The following KIF3A variants were observed in gnomAD, a reference collection of about 807,000 sequenced individuals.
KIF3A encodes kinesin family member 3A.
In KIF3A, 27 loss-of-function variants were observed where a neutral mutation model predicts 92.6. That is an observed-to-expected ratio of 0.29 (90% CI 0.21 to 0.40). KIF3A has a LOEUF of 0.40. Ranked by LOEUF, KIF3A falls within the 10% of genes least tolerant of loss-of-function variation. The pLI, the probability that KIF3A is intolerant of heterozygous loss-of-function variation, is 1.00. For missense variants in KIF3A, 581 were observed against 872.6 expected, an observed-to-expected ratio of 0.67 and a Z score of 4.21; for synonymous variants, 250 against 275.4, an observed-to-expected ratio of 0.91 and a Z score of 0.92.
At position 132,696,593 on chromosome 5, in the gene KIF3A, G is replaced by A. The variant is rs1425550608; in HGVS notation, c.*41C>T. The A allele has an allele frequency of 1.6e-6, 2 of 1,267,176 alleles. No individual in the cohort carries two copies. The highest frequency in any genetic ancestry group is 2.3e-6 in the Non-Finnish European group (2 of 869,362). The allele number at this position is 1,267,176 out of a possible 1,614,324, so 78.5% of individuals were successfully genotyped here. A position where few individuals can be genotyped will look rare whatever the true frequency, so the allele number is the denominator to read the frequency against. ...AATTAAAGATTTTGTCCAGGCATGAGAATATCACTAATTTTTATTGTGACT... is the reference window on the plus strand; with the variant it reads ...AATTAAAGATTTTGTCCAGGCATGAAAATATCACTAATTTTTATTGTGACT... On this transcript the variant is annotated 3_prime_UTR_variant, in exon 19 of 19. Coordinates refer to ENST00000403231, the MANE Select transcript of KIF3A (RefSeq NM_001300791.2).
rs372212113 is a variant in KIF3A at position 132,715,948 on chromosome 5, A to G, written c.955-17T>C. 1.8e-5 allele frequency: 28 copies of G among 1,521,504 alleles called. No homozygotes were observed. In the African/African-American group the frequency reaches 2.8e-4, roughly 15 times the overall value. The allele number at this position is 1,521,504 out of a possible 1,614,324, so 94.3% of individuals were successfully genotyped here. On this transcript the variant is annotated splice_polypyrimidine_tract_variant and intron_variant, in intron 7 of 18. Coordinates refer to ENST00000403231, the MANE Select transcript of KIF3A (RefSeq NM_001300791.2). Reference sequence around the variant, plus strand: ...ATTTGCACACTATTGAATTAGAAATATGAAACAAATCATTTTACACTTGAC... The same window carrying G: ...ATTTGCACACTATTGAATTAGAAATGTGAAACAAATCATTTTACACTTGAC...
chr5:132,708,962 ACTG>A lies in KIF3A; in HGVS notation c.1242_1244del (p.Ser417del), dbSNP rs960714690. On this transcript the variant is annotated inframe_deletion, in exon 10 of 19. Coordinates refer to ENST00000403231, the MANE Select transcript of KIF3A (RefSeq NM_001300791.2). The stretch of plus-strand genomic sequence containing the variant: ...TGACAGAACATGTGGAGTCTGAACT[ACTG>A]CTGCTGCTACTGCCTGGAAAACAAA... The A allele has an allele frequency of 1.3e-6, 2 of 1,550,134 alleles. No homozygotes were observed. Among genetic ancestry groups the A allele is most frequent in the African/African-American group, 2.7e-5 (2 of 73,024 alleles).
chr5:132,707,985 G>C (rs1369170750), intron 10 of KIF3A, among the ~76,000 whole-genome samples: 4 of 152,166 alleles, frequency 2.6e-5, no homozygotes, highest in African/African-American at 9.7e-5. Flanking sequence ...TCATACCTTA[G>C]AAAATCTCTT....
chr5:132,698,984 T>G (rs565595848), intron 18 of KIF3A, among the ~76,000 whole-genome samples, 187 bp downstream of exon 18: 22 of 152,308 alleles, frequency 1.4e-4, no homozygotes, highest in African/African-American at 5.3e-4. Flanking sequence ...ATGATCCACC[T>G]GCCTCGGCCT....
At chr5:132,728,772 T>TAA (rs1173554314) in intron 2 of KIF3A, among the ~76,000 whole-genome samples, 6 of 149,006 alleles carry the variant, frequency 4.0e-5, no homozygotes, top group African/African-American at 1.3e-4. Context: ...AATAAATAAA[T>TAA]ATAATAAACT....
At chr5:132,732,750 A>G (rs1331104627) in intron 2 of KIF3A, among the ~76,000 whole-genome samples, 6 of 152,178 alleles carry the variant, frequency 3.9e-5, no homozygotes, top group African/African-American at 1.4e-4. Flanking sequence ...TCTACTAAAA[A>G]CACAAAAAAT....
rs1752818390 is a variant in KIF3A, at chr5:132,695,898, T to G, written c.*736A>C. ...CTTCTTAATTTTCCGCAACAGTAGA[T>G]CCTTTATATTTACGTACAATTCAAT... On this transcript the variant is annotated 3_prime_UTR_variant, in exon 19 of 19. Coordinates refer to ENST00000403231, the MANE Select transcript of KIF3A (RefSeq NM_001300791.2). The G allele has an allele frequency of 6.6e-6, 1 of 152,292 alleles. No homozygotes were observed. The allele number at this position is 152,292 out of a possible 1,614,324, so 9.4% of individuals were successfully genotyped here.
intron 8 of KIF3A, among the ~76,000 whole-genome samples, chr5:132,714,585 C>A (rs1165468600): frequency 1.3e-5 from 2 of 151,982 alleles, no homozygotes; most frequent in African/African-American, 2.4e-5. Context: ...TTCATAGAGA[C>A]CGAAAGTAGA....
rs1752753265 is a variant in KIF3A at position 132,694,016 on chromosome 5, T to C, written c.*2618A>G. The C allele has an allele frequency of 6.6e-6, 1 of 151,234 alleles. No homozygotes were observed. The highest frequency in any genetic ancestry group is 2.1e-4 in the South Asian group (1 of 4,750). The allele number at this position is 151,234 out of a possible 1,614,324, so 9.4% of individuals were successfully genotyped here. On this transcript the variant is annotated 3_prime_UTR_variant, in exon 19 of 19. Transcript: ENST00000403231. ...AAAAGATATTCAGGCCAGGCTTATGTATCAAATTTTGGTATTTCTGAGATG... is the reference window on the plus strand; with the variant it reads ...AAAAGATATTCAGGCCAGGCTTATGCATCAAATTTTGGTATTTCTGAGATG...
rs1336008610 is a variant in KIF3A at position 132,694,240 on chromosome 5, C to T, written c.*2394G>A. 1 of 151,768 alleles carries T rather than the reference C, an allele frequency of 6.6e-6. No individual in the cohort carries two copies. The highest frequency in any genetic ancestry group is 1.5e-5 in the Non-Finnish European group (1 of 68,046). The allele number at this position is 151,768 out of a possible 1,614,324, so 9.4% of individuals were successfully genotyped here. On this transcript the variant is annotated 3_prime_UTR_variant, in exon 19 of 19. Coordinates refer to ENST00000403231, the MANE Select transcript of KIF3A (RefSeq NM_001300791.2). The stretch of plus-strand genomic sequence containing the variant: ...GCAACATGGCAAAACCCCATCTCTA[C>T]AAAAAAATACAAAAATTAGCCGAGC...
Position 132,694,386 on chromosome 5 carries a change from CAA to C in KIF3A, c.*2246_*2247del. On this transcript the variant is annotated 3_prime_UTR_variant, in exon 19 of 19. Coordinates refer to ENST00000403231, the MANE Select transcript of KIF3A (RefSeq NM_001300791.2). ...AATAGAGCCAGACTCCGTCTCCAAA[CAA>C]AAAACAAACACCCCTGCTATAGTAG... is the stretch of plus-strand genomic sequence containing the variant. The C allele has an allele frequency of 6.6e-6, 1 of 152,244 alleles. No homozygotes were observed. Among genetic ancestry groups the C allele is most frequent in the Middle Eastern group, 3.4e-3 (1 of 294 alleles). 9.4% of individuals were successfully genotyped at this position (152,244 alleles called of 1,614,324 possible). A position where few individuals can be genotyped will look rare whatever the true frequency, so the allele number is the denominator to read the frequency against.
chr5:132,714,117 G>A (rs929033733), intron 8 of KIF3A, among the ~76,000 whole-genome samples: 4 of 151,772 alleles, frequency 2.6e-5, no homozygotes, highest in African/African-American at 7.3e-5. Context: ...GGCTGGTCTC[G>A]AACTCCTGAC....
chr5:132,700,110 C>G lies in KIF3A; in HGVS notation c.2007+106G>C, dbSNP rs1581062966. 8 of 676,588 alleles carry G rather than the reference C, an allele frequency of 1.2e-5. No homozygotes were observed. In the East Asian group the frequency reaches 2.2e-4, roughly 18 times the overall value. 41.9% of individuals were successfully genotyped at this position (676,588 alleles called of 1,614,324 possible). On this transcript the variant is annotated intron_variant, in intron 17 of 18. Transcript: ENST00000403231. ...AGTATCAGCCCATTTTTCAGCAGAG[C>G]TGATTAACAGATATCAAGTTGATAA... is the stretch of plus-strand genomic sequence containing the variant.
intron 8 of KIF3A, among the ~76,000 whole-genome samples, chr5:132,713,425 G>A (rs1753498825): frequency 1.3e-5 from 2 of 152,092 alleles, no homozygotes; most frequent in East Asian, 1.9e-4. Context: ...TCCATATCAT[G>A]TTTGCAAGTT....
intron 11 of KIF3A, among the ~76,000 whole-genome samples, chr5:132,705,721 T>G (rs1298253499): frequency 6.6e-6 from 1 of 152,022 alleles, no homozygotes; most frequent in Non-Finnish European, 1.5e-5. Context: ...AGTAACATAT[T>G]ACTTTAGCCA....
At chr5:132,699,946 G>T (rs575976772) in intron 17 of KIF3A, among the ~76,000 whole-genome samples, 1 of 152,006 alleles carries the variant, frequency 6.6e-6, no homozygotes, top group Non-Finnish European at 1.5e-5. Context: ...ATAATCCTAC[G>T]ACCCAGAGTG....
At chr5:132,711,200 A>G (rs899385756) in intron 8 of KIF3A, 143 bp from the exon 9 acceptor site, 13 of 684,912 alleles carry the variant, frequency 1.9e-5, no homozygotes, top group African/African-American at 3.6e-5. Flanking sequence ...CCTAGAAAGT[A>G]TAACAGATAT....
intron 4 of KIF3A, chr5:132,723,815 A>C (rs1753908821): frequency 2.6e-5 from 4 of 152,340 alleles, no homozygotes; most frequent in African/African-American, 9.6e-5. Context: ...TAATTAAACT[A>C]AAGAGCTTCT....
chr5:132,693,704 AGGCGTGGT>A lies in KIF3A; in HGVS notation c.*2922_*2929del, dbSNP rs1354373442. The A allele has an allele frequency of 2.0e-5, 3 of 152,544 alleles. No individual in the cohort carries two copies. Among genetic ancestry groups the A allele is most frequent in the African/African-American group, 7.2e-5 (3 of 41,402 alleles). The allele number at this position is 152,544 out of a possible 1,614,324, so 9.4% of individuals were successfully genotyped here. On this transcript the variant is annotated 3_prime_UTR_variant, in exon 19 of 19. Coordinates refer to ENST00000403231, the MANE Select transcript of KIF3A (RefSeq NM_001300791.2). ...AGATATTCAGACCAGGCTTGAGGCC[AGGCGTGGT>A]GGCTCACACCTGTAATCCCAGCACT...
Sources: gnomAD v4.1 joint callset for allele counts (sites outside exome capture counted in the v4.1 genomes callset) on GRCh38, gnomAD v4.1.1 for gene constraint, MANE v1.5 for transcripts, NCBI Gene and HGNC (gene_info 2026-07-23, HGNC 2026-07-21) for gene names.